The following RYR3 variants were observed in gnomAD, a reference collection of about 807,000 sequenced individuals.
The protein encoded by RYR3 is ryanodine receptor 3.
RYR3 carries 207 observed loss-of-function variants against 584.3 expected under a neutral mutation model. The observed-to-expected ratio is 0.35, with a 90% CI of 0.32 to 0.40. RYR3 has a LOEUF of 0.40. Ranked by LOEUF, RYR3 falls within the 10% of genes least tolerant of loss-of-function variation. The pLI is 1.00. For missense variants in RYR3, 5,616 were observed against 6,089.2 expected, an observed-to-expected ratio of 0.92 and a Z score of 2.59; for synonymous variants, 2,416 against 2,248.5, an observed-to-expected ratio of 1.07 and a Z score of -2.11.
At chr15:33,483,478 A>C (rs2050151259) in intron 2 of RYR3, among the ~76,000 whole-genome samples, 1 of 152,190 alleles carries the variant, frequency 6.6e-6, no homozygotes, top group Admixed American at 6.5e-5. Flanking sequence ...TTAAATTACT[A>C]GTGTGTCTCC....
intron 1 of RYR3, among the ~76,000 whole-genome samples, chr15:33,355,908 T>A (rs1973908596): frequency 6.6e-6 from 1 of 152,230 alleles, no homozygotes; most frequent in Non-Finnish European, 1.5e-5. Flanking sequence ...TTGAAATATG[T>A]CATTTGTCTA....
chr15:33,788,190 AT>A, intron 66 of RYR3, 27 bp from the exon 67 acceptor site: 1 of 1,612,190 alleles, frequency 6.2e-7, no homozygotes. Flanking sequence ...AATACGTGAA[AT>A]GACGGGGAGG....
intron 2 of RYR3, among the ~76,000 whole-genome samples, chr15:33,476,939 C>A (rs1289731509): frequency 6.6e-6 from 1 of 152,186 alleles, no homozygotes; most frequent in Non-Finnish European, 1.5e-5. Context: ...TTCTTTCCTG[C>A]AGTCATTTGC....
intron 94 of RYR3, 112 bp downstream of exon 94, chr15:33,848,533 T>C: frequency 7.6e-7 from 1 of 1,307,540 alleles, no homozygotes. Flanking sequence ...TTTTGATTTC[T>C]AGGACTTTTC....
intron 3 of RYR3, among the ~76,000 whole-genome samples, chr15:33,520,290 C>T (rs991996672): frequency 9.9e-5 from 15 of 152,142 alleles, no homozygotes; most frequent in African/African-American, 3.6e-4. Flanking sequence ...AGATTAGAAA[C>T]AGTGTTCAAA....
intron 4 of RYR3, 52 bp downstream of exon 4, chr15:33,530,718 A>C (rs559542537): frequency 1.5e-6 from 2 of 1,352,870 alleles, no homozygotes; most frequent in South Asian, 2.4e-5. Context: ...GAAAAACTGA[A>C]GAGGGGGAAA....
Position 33,701,041 on chromosome 15 carries a change from T to A in RYR3, c.6444T>A (p.Asn2148Lys). The A allele has an allele frequency of 6.2e-7, 1 of 1,613,312 alleles. No homozygotes were observed. The highest frequency in any genetic ancestry group is 8.5e-7 in the Non-Finnish European group (1 of 1,179,646). The change falls in exon 42 of 104, where the codon AAT becomes AAA. Residue 2148 changes from asparagine to lysine, a missense_variant. Coordinates refer to ENST00000634891, the MANE Select transcript of RYR3 (RefSeq NM_001036.6). ...DVAASSVMDN[N>K]ELALSLEEPD... ...CAGCTTCCTCTGTGATGGACAACAATGAGTTAGCGCTGAGCTTAGAGGAAC... is the reference window on the plus strand; with the variant it reads ...CAGCTTCCTCTGTGATGGACAACAAAGAGTTAGCGCTGAGCTTAGAGGAAC...
intron 60 of RYR3, among the ~76,000 whole-genome samples, chr15:33,765,030 C>CAAAAAAAAAAAAA: frequency 1.2e-5 from 1 of 85,774 alleles, no homozygotes; most frequent in Admixed American, 1.5e-4. Context: ...GACTTCGTCT[C>CAAAAAAAAAAAAA]AAAAAAAAAA....
chr15:33,661,960 G>A (rs547956529), intron 34 of RYR3, among the ~76,000 whole-genome samples, 193 bp from the exon 35 acceptor site: 33 of 152,278 alleles, frequency 2.2e-4, no homozygotes, highest in African/African-American at 7.7e-4. Context: ...GAGCCTTGTA[G>A]TTAAATACAG....
intron 1 of RYR3, among the ~76,000 whole-genome samples, chr15:33,448,961 G>C (rs534631308): frequency 6.6e-6 from 1 of 152,182 alleles, no homozygotes; most frequent in East Asian, 1.9e-4. Flanking sequence ...TGCCACAAAC[G>C]TCAGGTATTT....
rs1191532878 is a variant in RYR3 at position 33,865,367 on chromosome 15, C to CTATT, written c.*143_*146dup. ...AAAAAAAAACTGCTGAAAATCTGTG[C>CTATT]TATTTTGAAATTGATTTGGCTTTTT... On this transcript the variant is annotated 3_prime_UTR_variant, in exon 104 of 104. Coordinates refer to ENST00000634891, the MANE Select transcript of RYR3 (RefSeq NM_001036.6). 8 of 645,038 alleles carry CTATT rather than the reference C, an allele frequency of 1.2e-5. No homozygotes were observed. Among genetic ancestry groups the CTATT allele is most frequent in the Non-Finnish European group, 1.9e-5 (7 of 377,170 alleles). 40.0% of individuals were successfully genotyped at this position (645,038 alleles called of 1,614,324 possible). A position where few individuals can be genotyped will look rare whatever the true frequency, so the allele number is the denominator to read the frequency against.
chr15:33,677,217 G>A (rs553854052), intron 38 of RYR3, among the ~76,000 whole-genome samples: 1 of 152,272 alleles, frequency 6.6e-6, no homozygotes, highest in East Asian at 1.9e-4. Flanking sequence ...CTGGAAAGGG[G>A]GCCATGGGGA....
chr15:33,785,599 A>G, intron 65 of RYR3, 63 bp from the exon 66 acceptor site: 1 of 1,304,652 alleles, frequency 7.7e-7, no homozygotes, highest in Non-Finnish European at 1.0e-6. Context: ...AGGGGCAGAG[A>G]GAAGGAAGCT....
intron 1 of RYR3, among the ~76,000 whole-genome samples, chr15:33,464,146 TG>T (rs1182295234): frequency 1.3e-5 from 2 of 151,926 alleles, no homozygotes; most frequent in Non-Finnish European, 2.9e-5. Context: ...AAACCTGTAT[TG>T]TTAGGAGGTA....
At chr15:33,548,814 C>T (rs1255627103) in intron 9 of RYR3, among the ~76,000 whole-genome samples, 1 of 152,134 alleles carries the variant, frequency 6.6e-6, no homozygotes, top group African/African-American at 2.4e-5. Context: ...AGGACCTTTA[C>T]TGGGCTGAGA....
chr15:33,769,537 C>T lies in RYR3; in HGVS notation c.8816+365C>T, dbSNP rs561205052. Among the ~76,000 whole-genome samples, 3 of 62,446 alleles carry T rather than the reference C, an allele frequency of 4.8e-5. No individual in the cohort carries two copies. In the East Asian group the frequency reaches 0.01, roughly 215 times the overall value. The allele number at this position is 62,446 out of a possible 152,430, so 41.0% of individuals were successfully genotyped here. A position where few individuals can be genotyped will look rare whatever the true frequency, so the allele number is the denominator to read the frequency against. On this transcript the variant is annotated intron_variant, in intron 62 of 103. Coordinates refer to ENST00000634891, the MANE Select transcript of RYR3 (RefSeq NM_001036.6). ...TTCAAAATGGCCAAGGAAGGAAATG[C>T]ACAGAGATCTGGCTTCAAAAGAATC... is the stretch of plus-strand genomic sequence containing the variant.
intron 1 of RYR3, among the ~76,000 whole-genome samples, chr15:33,317,407 C>T (rs553482914): frequency 1.3e-5 from 2 of 152,266 alleles, no homozygotes; most frequent in African/African-American, 4.8e-5. Context: ...CCACAGTTCT[C>T]CTTGGGGAGC....
At chr15:33,372,581 G>A (rs189142575) in intron 1 of RYR3, among the ~76,000 whole-genome samples, 1 of 152,018 alleles carries the variant, frequency 6.6e-6, no homozygotes, top group Non-Finnish European at 1.5e-5. Flanking sequence ...TAGCCAGGAT[G>A]GTCTCAGTCT....
intron 3 of RYR3, among the ~76,000 whole-genome samples, chr15:33,505,811 G>A (rs2052435138): frequency 6.6e-6 from 1 of 151,896 alleles, no homozygotes; most frequent in South Asian, 2.1e-4. Context: ...TTTTTTAATT[G>A]ATCACTCTTC....
Sources: gnomAD v4.1 joint callset for allele counts (sites outside exome capture counted in the v4.1 genomes callset) on GRCh38, gnomAD v4.1.1 for gene constraint, MANE v1.5 for transcripts, NCBI Gene and HGNC (gene_info 2026-07-23, HGNC 2026-07-21) for gene names.